Variants in NTM observed in about 807,000 individuals in gnomAD.
The protein encoded by NTM is IgLON family member 2.
Under a neutral mutation model 42.1 loss-of-function variants are expected in NTM, and 13 were observed. That is an observed-to-expected ratio of 0.31 (90% CI 0.20 to 0.49). NTM has a LOEUF of 0.49. Among genes scored for constraint, NTM ranks in the 20% least tolerant of loss-of-function variants. NTM has a pLI of 0.99. For synonymous variants in NTM, 187 were observed against 179.2 expected (o/e 1.04, Z -0.35); for missense variants, 373 against 452.8 (o/e 0.82, Z 1.60).
At chr11:131,712,013 A>G (rs1164864241) in intron 1 of NTM, among the ~76,000 whole-genome samples, 5 of 148,708 alleles carry the variant, frequency 3.4e-5, no homozygotes, top group Middle Eastern at 3.2e-3. Flanking sequence ...GGATAGCATT[A>G]GGAGGTATAC....
intron 2 of NTM, among the ~76,000 whole-genome samples, chr11:132,082,651 T>A (rs982271973): frequency 3.9e-5 from 6 of 152,246 alleles, no homozygotes; most frequent in African/African-American, 1.4e-4. Flanking sequence ...GATTCCCCCA[T>A]GTAAAGAAGT....
chr11:131,379,643 A>G (rs534376587), intron 1 of NTM, among the ~76,000 whole-genome samples: 106 of 152,356 alleles, frequency 7.0e-4, no homozygotes, highest in Admixed American at 1.2e-3. Flanking sequence ...ACTGCCTTGT[A>G]CATAGGAAGC....
chr11:131,593,568 C>G (rs2059568612), intron 1 of NTM, among the ~76,000 whole-genome samples: 1 of 152,192 alleles, frequency 6.6e-6, no homozygotes. Flanking sequence ...ACACGTTACC[C>G]CATTTATTCC....
chr11:131,388,712 G>A (rs1481017805), intron 1 of NTM, among the ~76,000 whole-genome samples: 2 of 152,078 alleles, frequency 1.3e-5, no homozygotes, highest in African/African-American at 2.4e-5. Context: ...AGAGAATATA[G>A]GGAGAAAGAT....
chr11:131,539,762 G>A (rs922220819), intron 1 of NTM, among the ~76,000 whole-genome samples: 1 of 152,214 alleles, frequency 6.6e-6, no homozygotes, highest in African/African-American at 2.4e-5. Flanking sequence ...CTGGGGCATG[G>A]GAGTGGAGGT....
intron 1 of NTM, chr11:131,582,216 A>G (rs1428213203): frequency 6.6e-6 from 1 of 152,198 alleles, no homozygotes; most frequent in African/African-American, 2.4e-5. Flanking sequence ...TTCCTATACT[A>G]GTGAAATCTG....
At chr11:131,410,282 G>A (rs1165550112) in intron 1 of NTM, among the ~76,000 whole-genome samples, 2 of 151,898 alleles carry the variant, frequency 1.3e-5, no homozygotes, top group Non-Finnish European at 2.9e-5. Flanking sequence ...AGACCAGCCT[G>A]GGCAATACAG....
intron 2 of NTM, among the ~76,000 whole-genome samples, chr11:132,090,286 C>A (rs942090169): frequency 6.6e-6 from 1 of 152,178 alleles, no homozygotes; most frequent in Non-Finnish European, 1.5e-5. Context: ...ACCTTGTCTC[C>A]TTGGCCCTTC....
At position 131,985,871 on chromosome 11, in the gene NTM, G is replaced by T. The variant is rs76547895; in HGVS notation, c.167+74223G>T. On this transcript the variant is annotated intron_variant, in intron 2 of 8. Transcript: ENST00000683400. ...ATAACTGTTGTGAGGACTGAATTAG[G>T]CCTGTAAAGAGTCTGTCATCAGGAC... Among the ~76,000 whole-genome samples the T allele has an allele frequency of 3.0e-3, 450 of 152,272 alleles. 5 individuals carry two copies. Among genetic ancestry groups the T allele is most frequent in the African/African-American group, 0.01 (417 of 41,546 alleles).
chr11:132,140,434 G>A (rs1035073092), intron 2 of NTM, among the ~76,000 whole-genome samples: 19 of 152,032 alleles, frequency 1.2e-4, no homozygotes, highest in East Asian at 3.9e-4. Context: ...GCCTACCTCC[G>A]TTTTCTTATG....
chr11:131,768,803 A>G (rs755304870), intron 1 of NTM, among the ~76,000 whole-genome samples: 5 of 152,232 alleles, frequency 3.3e-5, no homozygotes, highest in Non-Finnish European at 7.3e-5. Context: ...AAGTGGAAGC[A>G]TTTATGCCAC....
intron 7 of NTM, 195 bp downstream of exon 7, chr11:132,314,898 AAG>A (rs1346650872): frequency 1.5e-6 from 2 of 1,353,914 alleles, no homozygotes; most frequent in Admixed American, 3.4e-5. Context: ...GGCAGACAGA[AAG>A]AGAAAGAACA....
chr11:131,915,248 C>T (rs952044630), intron 2 of NTM, among the ~76,000 whole-genome samples: 1 of 152,236 alleles, frequency 6.6e-6, no homozygotes, highest in Non-Finnish European at 1.5e-5. Context: ...GTACACCAAG[C>T]TTCCCAGGAC....
At chr11:132,043,958 ATGTGTGTGTGTGTG>A (rs71067353) in intron 2 of NTM, among the ~76,000 whole-genome samples, 19 of 146,376 alleles carry the variant, frequency 1.3e-4, no homozygotes, top group African/African-American at 4.3e-4. Context: ...GACACCAACT[ATGTGTGTGTGTGTG>A]TGTGTGTGTG....
intron 1 of NTM, among the ~76,000 whole-genome samples, chr11:131,531,305 A>AT (rs955907523): frequency 5.3e-5 from 8 of 151,706 alleles, no homozygotes; most frequent in Non-Finnish European, 7.4e-5. Context: ...TGCTCTGCTA[A>AT]TTTTTTTTGG....
At chr11:131,938,467 C>T (rs779333063) in intron 2 of NTM, among the ~76,000 whole-genome samples, 1 of 152,204 alleles carries the variant, frequency 6.6e-6, no homozygotes. Flanking sequence ...GAGAGCACTG[C>T]AAGATGAGGT....
chr11:132,176,105 G>A (rs2076771043), intron 3 of NTM, among the ~76,000 whole-genome samples: 2 of 152,142 alleles, frequency 1.3e-5, no homozygotes, highest in African/African-American at 4.8e-5. Context: ...GTTTGATCAA[G>A]TCACATTTCG....
chr11:132,149,879 A>G (rs2071463631), intron 3 of NTM, among the ~76,000 whole-genome samples: 1 of 152,238 alleles, frequency 6.6e-6, no homozygotes, highest in South Asian at 2.1e-4. Context: ...TAAATTAGCT[A>G]CAACCAAACA....
At chr11:131,935,939 G>A (rs1479367531) in intron 2 of NTM, among the ~76,000 whole-genome samples, 2 of 152,078 alleles carry the variant, frequency 1.3e-5, no homozygotes, top group Non-Finnish European at 2.9e-5. Flanking sequence ...CAGCATTAAA[G>A]TACCAGCATT....
Sources: allele counts gnomAD v4.1 joint callset (sites outside exome capture counted in the v4.1 genomes callset), GRCh38; gene constraint gnomAD v4.1.1; transcripts MANE v1.5; gene names NCBI Gene and HGNC (gene_info 2026-07-23, HGNC 2026-07-21).